Variants in C1orf159 observed in about 807,000 individuals in gnomAD.
The protein encoded by C1orf159 is chromosome 1 open reading frame 159.
A neutral mutation model predicts 25.6 loss-of-function variants in C1orf159; 19 were observed. That is an observed-to-expected ratio of 0.74 (90% CI 0.52 to 1.09). The LOEUF (loss-of-function observed/expected upper bound fraction) is 1.09. C1orf159 is among the 50% of genes least tolerant of loss of function. The pLI is 0.00. For missense variants in C1orf159, 274 were observed against 290.6 expected, an observed-to-expected ratio of 0.94 and a Z score of 0.42; for synonymous variants, 139 against 124.7, an observed-to-expected ratio of 1.12 and a Z score of -0.77.
Position 1,087,310 on chromosome 1 carries a change from G to T in C1orf159, c.245-106C>A. ...GACGGAAATATGAAAGCGAGGGGCT[G>T]AGGGGGCGGAGCAGCCCTCACCACA... On this transcript the variant is annotated intron_variant, in intron 5 of 9. Coordinates refer to ENST00000421241, the MANE Select transcript of C1orf159 (RefSeq NM_017891.5). The surrounding 1 kb of genome is among the most constrained non-coding windows in gnomAD (Gnocchi z 8.3). The T allele has an allele frequency of 7.8e-7, 1 of 1,276,720 alleles. No individual in the cohort carries two copies. The highest frequency in any genetic ancestry group is 1.1e-6 in the Non-Finnish European group (1 of 938,696). 79.1% of individuals were successfully genotyped at this position (1,276,720 alleles called of 1,614,324 possible).
Position 1,083,129 on chromosome 1 carries a change from C to A in C1orf159, c.503-142G>T. ...CTGTTTACTCTGACCAGGTGGGAAC[C>A]CAGATGCCCCCTGCCCCTAAGGCGC... On this transcript the variant is annotated intron_variant, in intron 9 of 9. Coordinates refer to ENST00000421241, the MANE Select transcript of C1orf159 (RefSeq NM_017891.5). The A allele has an allele frequency of 4.7e-6, 3 of 632,222 alleles. No individual in the cohort carries two copies. The East Asian group carries it at 9.2e-5, about 19-fold the overall frequency. The allele number at this position is 632,222 out of a possible 1,614,324, so 39.2% of individuals were successfully genotyped here.
intron 1 of C1orf159, among the ~76,000 whole-genome samples, chr1:1,109,680 GCTGGTCTTGAACTC>G (rs1314088758): frequency 6.6e-6 from 1 of 151,816 alleles, no homozygotes; most frequent in Admixed American, 6.6e-5. Flanking sequence ...TGTTTCGCAG[GCTGGTCTTGAACTC>G]CTGGGCTCAA....
Position 1,091,463 on chromosome 1 carries a change from G to A in C1orf159, c.72+9C>T, listed in dbSNP as rs937746769. On this transcript the variant is annotated intron_variant, in intron 3 of 9. Transcript: ENST00000421241. ...TTAGGCCGCGTGGACACGTGAGGGG[G>A]GCACCTACCGTGTTCTCCATGGACT... The A allele has an allele frequency of 1.3e-6, 2 of 1,549,996 alleles. No individual in the cohort carries two copies. The highest frequency in any genetic ancestry group is 2.7e-5 in the African/African-American group (2 of 73,152).
chr1:1,107,543 T>A (rs1374181006), intron 1 of C1orf159, among the ~76,000 whole-genome samples: 1 of 152,208 alleles, frequency 6.6e-6, no homozygotes, highest in Non-Finnish European at 1.5e-5. Context: ...TACGTCTAGC[T>A]AGAGGACTGT....
At position 1,083,836 on chromosome 1, in the gene C1orf159, T is replaced by A. The variant is rs1259646435; in HGVS notation, c.502+517A>T. 5.2e-6 allele frequency: 7 copies of A among 1,340,754 alleles called. No homozygotes were observed. The Admixed American group carries it at 1.4e-4, about 27-fold the overall frequency. 83.1% of individuals were successfully genotyped at this position (1,340,754 alleles called of 1,614,324 possible). A position where few individuals can be genotyped will look rare whatever the true frequency, so the allele number is the denominator to read the frequency against. ...GGGACGGAGGCCGGGTGAGCCCTGC[T>A]CATGGCCTTGGAGCTGTGTGGCTGT... is the stretch of plus-strand genomic sequence containing the variant. On this transcript the variant is annotated intron_variant, in intron 9 of 9. Coordinates refer to ENST00000421241, the MANE Select transcript of C1orf159 (RefSeq NM_017891.5).
At chr1:1,100,417 G>A (rs138185773) in intron 1 of C1orf159, among the ~76,000 whole-genome samples, 2 of 152,196 alleles carry the variant, frequency 1.3e-5, no homozygotes, top group African/African-American at 2.4e-5. Flanking sequence ...AAGGAGTTGT[G>A]CCTCCCCGCT....
chr1:1,110,659 TC>T lies in C1orf159; in HGVS notation c.-136+5400del, dbSNP rs1010603776. On this transcript the variant is annotated intron_variant, in intron 1 of 9. Transcript: ENST00000421241. The surrounding 1 kb of genome is among the most constrained non-coding windows in gnomAD (Gnocchi z 4.8). ...GACTTCCACACCTGGGATGCAGCCT[TC>T]CCCCCGGGCACGTTCCCAAGAGAAA... is the stretch of plus-strand genomic sequence containing the variant. 9.4e-4 allele frequency among the ~76,000 whole-genome samples: 142 copies of T among 151,350 alleles called. No individual in the cohort carries two copies. Among genetic ancestry groups the T allele is most frequent in the African/African-American group, 3.2e-3 (131 of 40,944 alleles).
chr1:1,090,901 A>G (rs1645919918), intron 3 of C1orf159: 1 of 1,550,194 alleles, frequency 6.5e-7, no homozygotes, highest in Non-Finnish European at 8.7e-7. Context: ...CCATTCCCTG[A>G]CCACAGGCAG....
At chr1:1,091,253 C>T (rs1325031689) in intron 3 of C1orf159, 6 of 647,214 alleles carry the variant, frequency 9.3e-6, no homozygotes, top group South Asian at 1.9e-5. Context: ...CCGCCTGACC[C>T]AGCCATTCCT....
rs1645757757 is a variant in C1orf159, at chr1:1,082,490, C to T, written c.*403G>A. ...CTGGGTGTGGTGGTGCTGGAGGAGT[C>T]CTGCCCGCTGTGGGCTCTGGAGGGC... On this transcript the variant is annotated 3_prime_UTR_variant, in exon 10 of 10. Transcript: ENST00000421241. The T allele has an allele frequency of 3.8e-6, 1 of 261,198 alleles. No individual in the cohort carries two copies. Among genetic ancestry groups the T allele is most frequent in the Non-Finnish European group, 7.5e-6 (1 of 133,062 alleles). The allele number at this position is 261,198 out of a possible 1,614,324, so 16.2% of individuals were successfully genotyped here. A position where few individuals can be genotyped will look rare whatever the true frequency, so the allele number is the denominator to read the frequency against.
intron 1 of C1orf159, among the ~76,000 whole-genome samples, chr1:1,101,513 AGTCTATCAGCTCATG>A (rs1267486704): frequency 1.2e-4 from 19 of 152,218 alleles, no homozygotes; most frequent in Non-Finnish European, 2.2e-4. Context: ...TCACAGACTC[AGTCTATCAGCTCATG>A]GTCTATCAGC....
At chr1:1,113,884 C>T (rs1393426120) in intron 1 of C1orf159, among the ~76,000 whole-genome samples, 1 of 149,740 alleles carries the variant, frequency 6.7e-6, no homozygotes, top group Non-Finnish European at 1.5e-5. Flanking sequence ...ACAGAGTTTA[C>T]TGGAGTTGTG....
chr1:1,086,785 TGA>T (rs2100743026), intron 6 of C1orf159, among the ~76,000 whole-genome samples: 1 of 151,560 alleles, frequency 6.6e-6, no homozygotes, highest in East Asian at 1.9e-4. Flanking sequence ...GCGTGAGCCG[TGA>T]GTGTGAGCCT....
intron 1 of C1orf159, among the ~76,000 whole-genome samples, chr1:1,096,201 T>C (rs1169562640): frequency 2.6e-5 from 4 of 152,178 alleles, no homozygotes; most frequent in African/African-American, 9.7e-5. Context: ...TAGGCCCTCC[T>C]TTTTTTAAAG....
chr1:1,091,446 C>T (rs1167824628), intron 3 of C1orf159, 26 bp downstream of exon 3: 2 of 1,545,932 alleles, frequency 1.3e-6, no homozygotes, highest in East Asian at 2.4e-5. Flanking sequence ...GCTTAGGCCG[C>T]GTGGACACGT....
intron 1 of C1orf159, 35 bp from the exon 2 acceptor site, chr1:1,092,138 C>A: frequency 2.7e-6 from 1 of 374,476 alleles, no homozygotes; most frequent in Non-Finnish European, 5.4e-6. Flanking sequence ...GCCGTGGTCA[C>A]GCGAGGGCAA....
intron 1 of C1orf159, chr1:1,106,732 T>A (rs1646175900): frequency 6.5e-6 from 1 of 153,028 alleles, no homozygotes; most frequent in Non-Finnish European, 1.5e-5. Flanking sequence ...TGGGAGCCCC[T>A]CTCTGGGCTG....
At chr1:1,085,258 T>C in intron 7 of C1orf159, 1 of 433,774 alleles carries the variant, frequency 2.3e-6, no homozygotes, top group Non-Finnish European at 4.7e-6. Flanking sequence ...CACCTTGGGG[T>C]CCGAACTGCT....
At chr1:1,102,017 G>A (rs1646107048) in intron 1 of C1orf159, among the ~76,000 whole-genome samples, 1 of 140,544 alleles carries the variant, frequency 7.1e-6, no homozygotes, top group Admixed American at 7.6e-5. Context: ...GTTGCAGTGA[G>A]CCGAGATCGC....
Sources: gnomAD v4.1 joint callset for allele counts (sites outside exome capture counted in the v4.1 genomes callset) on GRCh38, gnomAD v4.1.1 for gene constraint, Gnocchi (gnomAD v3.1) non-coding constraint, MANE v1.5 for transcripts, NCBI Gene and HGNC (gene_info 2026-07-23, HGNC 2026-07-21) for gene names.